The following SLC39A8 variants were observed in gnomAD, a reference collection of about 807,000 sequenced individuals.
SLC39A8 encodes the protein metal cation symporter ZIP8.
In SLC39A8, 15 loss-of-function variants were observed where a neutral mutation model predicts 40.4. That is an observed-to-expected ratio of 0.37 (90% CI 0.25 to 0.57). The LOEUF is 0.57. Among genes scored for constraint, SLC39A8 ranks in the 20% least tolerant of loss-of-function variants. The pLI is 0.75. For missense variants in SLC39A8, 472 were observed against 558.8 expected (o/e 0.84, Z 1.57); for synonymous variants, 223 against 221.6 (o/e 1.01, Z -0.06).
downstream of SLC39A8, among the ~76,000 whole-genome samples, chr4:102,258,095 GTGTTTTT>G (rs942775739): frequency 4.1e-5 from 6 of 145,622 alleles, no homozygotes; most frequent in Admixed American, 6.6e-5. Context: ...TTGTAAGTAA[GTGTTTTT>G]TGTTTTTTGT....
intron 2 of SLC39A8, among the ~76,000 whole-genome samples, chr4:102,332,449 C>CA (rs2149052137): frequency 6.6e-6 from 1 of 152,310 alleles, no homozygotes; most frequent in South Asian, 2.1e-4. Flanking sequence ...AAATGCAAAT[C>CA]AAAACCACAC....
chr4:102,285,100 A>G (rs1733102956), intron 6 of SLC39A8, among the ~76,000 whole-genome samples: 1 of 152,224 alleles, frequency 6.6e-6, no homozygotes, highest in African/African-American at 2.4e-5. Flanking sequence ...TCAGTAAAAT[A>G]AAGTCTGTTC....
chr4:102,342,776 A>G (rs1421183856), intron 2 of SLC39A8, among the ~76,000 whole-genome samples: 8 of 152,324 alleles, frequency 5.3e-5, no homozygotes, highest in African/African-American at 1.9e-4. Context: ...TAATTTAGGC[A>G]TGTTTTCCAA....
intron 3 of SLC39A8, among the ~76,000 whole-genome samples, chr4:102,309,216 CCA>C (rs1454643770): frequency 1.3e-5 from 2 of 151,774 alleles, no homozygotes; most frequent in Non-Finnish European, 2.9e-5. Context: ...GCTCCTGCCA[CCA>C]CACACACACA....
At chr4:102,294,954 AAGAGAAAAC>A (rs1733617112) in intron 6 of SLC39A8, among the ~76,000 whole-genome samples, 1 of 151,860 alleles carries the variant, frequency 6.6e-6, no homozygotes, top group African/African-American at 2.4e-5. Context: ...GCTAAAGACA[AAGAGAAAAC>A]AGGAATTATT....
intron 11 of SLC39A8, among the ~76,000 whole-genome samples, chr4:102,255,932 G>A (rs770071104): frequency 1.1e-4 from 17 of 152,034 alleles, no homozygotes; most frequent in Admixed American, 5.9e-4. Context: ...TTTTTCTCAC[G>A]TGCATCCTTC....
At chr4:102,264,747 T>C (rs1357824941) in intron 8 of SLC39A8, among the ~76,000 whole-genome samples, 3 of 152,242 alleles carry the variant, frequency 2.0e-5, no homozygotes, top group Non-Finnish European at 4.4e-5. Context: ...TGGATAACTT[T>C]CTGCAGCTTC....
chr4:102,300,388 T>C (rs1042765702), intron 6 of SLC39A8, among the ~76,000 whole-genome samples: 5 of 152,074 alleles, frequency 3.3e-5, no homozygotes, highest in Non-Finnish European at 7.4e-5. Flanking sequence ...GACTTCTAAA[T>C]TTAAATATTA....
downstream of SLC39A8, chr4:102,259,644 C>T (rs966444862): frequency 3.4e-5 from 21 of 616,766 alleles, no homozygotes; most frequent in African/African-American, 7.4e-5. Flanking sequence ...ATGGCCAACC[C>T]GAAAGTCAAC....
intron 2 of SLC39A8, among the ~76,000 whole-genome samples, chr4:102,336,299 G>C (rs889886628): frequency 6.6e-6 from 1 of 152,160 alleles, no homozygotes; most frequent in Admixed American, 6.5e-5. Context: ...TACAAAAAGA[G>C]GGTAAGTCAC....
At chr4:102,251,565 A>G (rs1334658968) in exon 12 of SLC39A8, 1 of 152,216 alleles carries the variant, frequency 6.6e-6, no homozygotes, top group Admixed American at 6.5e-5. Context: ...ACGGGAGAAA[A>G]GCATACAAAT....
chr4:102,330,259 AATAG>A (rs768510359), intron 2 of SLC39A8, among the ~76,000 whole-genome samples: 7 of 152,174 alleles, frequency 4.6e-5, no homozygotes, highest in African/African-American at 1.7e-4. Flanking sequence ...AGATTAACAA[AATAG>A]ATAGATTGTT....
downstream of SLC39A8, among the ~76,000 whole-genome samples, chr4:102,257,817 T>C (rs1731743149): frequency 6.6e-6 from 1 of 152,216 alleles, no homozygotes. Context: ...TCTAAATACA[T>C]GCTCTGTCAT....
At chr4:102,259,325 G>A (rs1731784456), downstream of SLC39A8, 3 of 516,980 alleles carry the variant, frequency 5.8e-6, no homozygotes, top group Admixed American at 7.0e-5. Flanking sequence ...GCCTCACTGG[G>A]GTTTTACTAC....
intron 2 of SLC39A8, among the ~76,000 whole-genome samples, chr4:102,337,455 A>G (rs1735722992): frequency 6.6e-6 from 1 of 152,132 alleles, no homozygotes; most frequent in Admixed American, 6.5e-5. Context: ...CTAGAGAGAA[A>G]GATCTATCCC....
chr4:102,336,400 C>A (rs1443927580), intron 2 of SLC39A8, among the ~76,000 whole-genome samples: 1 of 152,170 alleles, frequency 6.6e-6, no homozygotes, highest in Admixed American at 6.5e-5. Flanking sequence ...AACCATTATG[C>A]TGTATTCTCT....
Position 102,262,171 on chromosome 4 carries a change from CTT to C in SLC39A8, c.*871_*872del. The stretch of plus-strand genomic sequence containing the variant: ...TTCTCTGCTAAATAGTTATGTTTGT[CTT>C]TAAAAGTAAATTGCATAAAATTACA... On this transcript the variant is annotated 3_prime_UTR_variant, in exon 9 of 9. Coordinates refer to ENST00000356736, the MANE Select transcript of SLC39A8 (RefSeq NM_001135146.2). 1 of 985,764 alleles carries C rather than the reference CTT, an allele frequency of 1.0e-6. No homozygotes were observed. Among genetic ancestry groups the C allele is most frequent in the Non-Finnish European group, 1.2e-6 (1 of 829,802 alleles). The allele number at this position is 985,764 out of a possible 1,614,324, so 61.1% of individuals were successfully genotyped here. A position where few individuals can be genotyped will look rare whatever the true frequency, so the allele number is the denominator to read the frequency against.
In SLC39A8 at chr4:102,338,873, T is replaced by C. The variant is rs1398347985; in HGVS notation, c.219+5571A>G. Among the ~76,000 whole-genome samples the C allele has an allele frequency of 5.3e-5, 8 of 152,084 alleles. No homozygotes were observed. The South Asian group carries it at 1.7e-3, about 32-fold the overall frequency. ...ATGAAACATGATAATACAAATAAAT[T>C]GGTTAAGGGAGTAATGCCACACAGT... On this transcript the variant is annotated intron_variant, in intron 2 of 8. Coordinates refer to ENST00000356736, the MANE Select transcript of SLC39A8 (RefSeq NM_001135146.2).
chr4:102,329,906 T>G (rs1353577150), intron 2 of SLC39A8, among the ~76,000 whole-genome samples: 1 of 152,150 alleles, frequency 6.6e-6, no homozygotes, highest in Non-Finnish European at 1.5e-5. Context: ...ACATGGAAAC[T>G]GAACAACCTG....
Sources: allele counts gnomAD v4.1 joint callset (sites outside exome capture counted in the v4.1 genomes callset), GRCh38; gene constraint gnomAD v4.1.1; transcripts MANE v1.5; gene names NCBI Gene and HGNC (gene_info 2026-07-23, HGNC 2026-07-21).